SPATA6: variants seen among roughly 807,000 people sequenced by gnomAD.
SPATA6 encodes the protein spermatogenesis-associated protein 6.
A neutral mutation model predicts 65.3 loss-of-function variants in SPATA6; 56 were observed. That is an observed-to-expected ratio of 0.86 (90% CI 0.69 to 1.07). The LOEUF (loss-of-function observed/expected upper bound fraction) is 1.07, where lower values mean the gene tolerates loss of function less well. SPATA6 is among the 50% of genes least tolerant of loss of function. The pLI is 0.00. For synonymous variants in SPATA6, 199 were observed against 213.2 expected (o/e 0.93, Z 0.58); for missense variants, 590 against 594.8 (o/e 0.99, Z 0.08).
At chr1:48,381,683 TTTTC>T (rs1274504767) in intron 9 of SPATA6, among the ~76,000 whole-genome samples, 1 of 12,388 alleles carries the variant, frequency 8.1e-5, no homozygotes, top group Non-Finnish European at 3.0e-4. Context: ...GTTAAATTTT[TTTTC>T]TTTTTTTTTT....
At chr1:48,391,528 T>G (rs1650070647) in intron 8 of SPATA6, among the ~76,000 whole-genome samples, 1 of 152,176 alleles carries the variant, frequency 6.6e-6, no homozygotes, top group African/African-American at 2.4e-5. Flanking sequence ...ATTTATAAAC[T>G]TACCCTGATT....
chr1:48,327,698 A>G (rs1645803519), intron 11 of SPATA6, among the ~76,000 whole-genome samples: 1 of 152,160 alleles, frequency 6.6e-6, no homozygotes, highest in Admixed American at 6.5e-5. Context: ...AATGTCCTAA[A>G]TGAACTAACT....
intron 1 of SPATA6, among the ~76,000 whole-genome samples, chr1:48,466,553 G>T (rs945210097): frequency 6.6e-6 from 1 of 151,822 alleles, no homozygotes; most frequent in African/African-American, 2.4e-5. Flanking sequence ...TACAGAGGAG[G>T]CCTCACCTAC....
chr1:48,291,811 C>T (rs1261317732), downstream of SPATA6, among the ~76,000 whole-genome samples: 1 of 152,198 alleles, frequency 6.6e-6, no homozygotes, highest in East Asian at 1.9e-4. Context: ...AGCAAGAGTT[C>T]ATGCTGTGGG....
chr1:48,342,396 A>G (rs1244074799), intron 11 of SPATA6, among the ~76,000 whole-genome samples: 5 of 152,104 alleles, frequency 3.3e-5, no homozygotes, highest in African/African-American at 1.2e-4. Flanking sequence ...CAGGTGGATC[A>G]CAAGGTCAGA....
intron 11 of SPATA6, among the ~76,000 whole-genome samples, chr1:48,353,131 A>G (rs890512407): frequency 2.8e-4 from 42 of 152,096 alleles, no homozygotes; most frequent in African/African-American, 1.0e-3. Flanking sequence ...TGTGATTAAA[A>G]TAAGTGTTAC....
intron 11 of SPATA6, among the ~76,000 whole-genome samples, chr1:48,350,641 G>A (rs763150807): frequency 4.6e-5 from 7 of 151,838 alleles, no homozygotes; most frequent in African/African-American, 7.3e-5. Flanking sequence ...AAACAAAGTC[G>A]ACATTTAATT....
At chr1:48,460,683 G>A (rs533267506) in intron 1 of SPATA6, among the ~76,000 whole-genome samples, 1 of 151,516 alleles carries the variant, frequency 6.6e-6, no homozygotes, top group South Asian at 2.1e-4. Flanking sequence ...TGCAAAATGT[G>A]CTACTAGAAA....
At chr1:48,274,436 A>G in the SPATA6 span, among the ~76,000 whole-genome samples, 1 of 152,044 alleles carries the variant, frequency 6.6e-6, no homozygotes, top group Admixed American at 6.5e-5. Flanking sequence ...CCTGAATGGT[A>G]TTGCCTAGGT....
Position 48,399,455 on chromosome 1 carries a change from T to C in SPATA6, c.676A>G (p.Met226Val), listed in dbSNP as rs1451567619. The C allele has an allele frequency of 6.2e-7, 1 of 1,613,364 alleles. No homozygotes were observed. Among genetic ancestry groups the C allele is most frequent in the Admixed American group, 1.7e-5 (1 of 59,906 alleles). ...CTGGTGTCTTCAGATAGCTCACACATGCGTCTTTTTGTGTAGGGAGATGGA... is the reference window on the plus strand; with the variant it reads ...CTGGTGTCTTCAGATAGCTCACACACGCGTCTTTTTGTGTAGGGAGATGGA... ...HSPSPYTKRRMCELSEDTRRR... is the reference protein window; with the variant it reads ...HSPSPYTKRRVCELSEDTRRR... The change falls in exon 7 of 13, where the codon ATG becomes GTG. Residue 226 changes from methionine to valine, a missense_variant. Transcript: ENST00000371847.
the SPATA6 span, among the ~76,000 whole-genome samples, chr1:48,280,162 C>T: frequency 6.6e-6 from 1 of 152,124 alleles, no homozygotes; most frequent in Non-Finnish European, 1.5e-5. Flanking sequence ...ATACCAGAAT[C>T]TCTGGGACAC....
chr1:48,309,978 T>C (rs1427762270), intron 11 of SPATA6, among the ~76,000 whole-genome samples: 3 of 152,214 alleles, frequency 2.0e-5, no homozygotes, highest in South Asian at 2.1e-4. Flanking sequence ...CCTTCTTGTC[T>C]TTTCTAATCA....
At chr1:48,351,957 C>T (rs1186391740) in intron 11 of SPATA6, among the ~76,000 whole-genome samples, 2 of 152,020 alleles carry the variant, frequency 1.3e-5, no homozygotes, top group Non-Finnish European at 2.9e-5. Context: ...AATAGATATA[C>T]AACCAGTAAT....
chr1:48,432,077 T>C (rs551063208), intron 3 of SPATA6, among the ~76,000 whole-genome samples: 121 of 152,128 alleles, frequency 8.0e-4, no homozygotes, highest in Middle Eastern at 6.8e-3. Context: ...ACCACTGCAC[T>C]CCAGCCTGGG....
chr1:48,461,201 T>G (rs1657403880), intron 1 of SPATA6, among the ~76,000 whole-genome samples: 1 of 152,320 alleles, frequency 6.6e-6, no homozygotes, highest in Admixed American at 6.5e-5. Context: ...TTTTTTCTTG[T>G]AAATTTGTTT....
the SPATA6 span, among the ~76,000 whole-genome samples, chr1:48,271,578 T>A: frequency 6.6e-6 from 1 of 152,140 alleles, no homozygotes; most frequent in Non-Finnish European, 1.5e-5. Flanking sequence ...GATGTGTTTT[T>A]TCTTTCATGC....
chr1:48,457,286 G>T (rs962663228), intron 1 of SPATA6, among the ~76,000 whole-genome samples: 1 of 151,978 alleles, frequency 6.6e-6, no homozygotes, highest in Non-Finnish European at 1.5e-5. Context: ...ACAAAAATTA[G>T]CTGGGCATGG....
chr1:48,310,247 G>A (rs1365327367), intron 11 of SPATA6, among the ~76,000 whole-genome samples: 1 of 152,194 alleles, frequency 6.6e-6, no homozygotes, highest in Non-Finnish European at 1.5e-5. Context: ...CTCACTCAAA[G>A]TGGGGTCTTC....
chr1:48,412,780 G>C (rs948738599), intron 4 of SPATA6, among the ~76,000 whole-genome samples: 1 of 151,994 alleles, frequency 6.6e-6, no homozygotes. Context: ...CACCACACCT[G>C]GATAATTTTT....
Sources: allele counts gnomAD v4.1 joint callset (sites outside exome capture counted in the v4.1 genomes callset), GRCh38; gene constraint gnomAD v4.1.1; transcripts MANE v1.5; gene names NCBI Gene and HGNC (gene_info 2026-07-23, HGNC 2026-07-21).